SCGB2B2: variants seen among roughly 807,000 people sequenced by gnomAD.
SCGB2B2 encodes the protein secretoglobin-like protein.
In SCGB2B2, 11 loss-of-function variants were observed where a neutral mutation model predicts 7.6. That is an observed-to-expected ratio of 1.45 (90% CI 0.91 to 2.40). The LOEUF is 2.40. Among genes scored for constraint, SCGB2B2 ranks in the 30% most tolerant of loss-of-function variants. The probability of loss-of-function intolerance (pLI) is 0.00; values close to 1 mark genes in which losing one functional copy is unlikely to be tolerated. For missense variants in SCGB2B2, 104 were observed against 115.4 expected, an observed-to-expected ratio of 0.90 and a Z score of 0.45; for synonymous variants, 50 against 48.6, an observed-to-expected ratio of 1.03 and a Z score of -0.12.
At chr19:34,645,063 C>G (rs1237245502) in intron 1 of SCGB2B2, among the ~76,000 whole-genome samples, 1 of 152,208 alleles carries the variant, frequency 6.6e-6, no homozygotes, top group Middle Eastern at 3.2e-3. Context: ...ACTGCACGCC[C>G]AGGTGTCGCT....
At chr19:34,618,590 C>T (rs2066155636) in intron 1 of SCGB2B2, among the ~76,000 whole-genome samples, 2 of 152,158 alleles carry the variant, frequency 1.3e-5, no homozygotes, top group Admixed American at 1.3e-4. Flanking sequence ...TAGGTTAGGA[C>T]AATCCTTAAA....
At position 34,635,903 on chromosome 19, in the gene SCGB2B2, G is replaced by C. The variant is rs552333456; in HGVS notation, c.-2031-39309C>G. ...TCCACTGTGCTGCCTCTGGTGCTAG[G>C]GGGTGTCTGTACTGACCCAGAATTG... is the stretch of plus-strand genomic sequence containing the variant. On this transcript the variant is annotated intron_variant, in intron 1 of 3. Coordinates refer to ENST00000601241, the MANE Select transcript of SCGB2B2 (RefSeq NM_001025591.4). Among the ~76,000 whole-genome samples, 5 of 152,324 alleles carry C rather than the reference G, an allele frequency of 3.3e-5. No homozygotes were observed. The East Asian group carries it at 5.8e-4, about 18-fold the overall frequency.
At chr19:34,660,170 C>G (rs1455427535) in intron 1 of SCGB2B2, among the ~76,000 whole-genome samples, 1 of 152,158 alleles carries the variant, frequency 6.6e-6, no homozygotes, top group Non-Finnish European at 1.5e-5. Flanking sequence ...AGACCTAACA[C>G]CATAAAAACC....
chr19:34,586,006 G>C (rs999978422), downstream of SCGB2B2, among the ~76,000 whole-genome samples: 5 of 152,086 alleles, frequency 3.3e-5, no homozygotes, highest in African/African-American at 1.2e-4. Context: ...TATACCTAAA[G>C]TGTATAGTTT....
chr19:34,656,131 A>G (rs895909738), intron 1 of SCGB2B2, among the ~76,000 whole-genome samples: 1 of 151,386 alleles, frequency 6.6e-6, no homozygotes, highest in Non-Finnish European at 1.5e-5. Flanking sequence ...ATGAAATTAC[A>G]TATAAAGAAA....
chr19:34,666,741 C>T (rs891777530), intron 1 of SCGB2B2, among the ~76,000 whole-genome samples: 28 of 152,290 alleles, frequency 1.8e-4, no homozygotes, highest in African/African-American at 1.9e-4. Context: ...CACTGCATGG[C>T]GCCCACCTGA....
intron 1 of SCGB2B2, among the ~76,000 whole-genome samples, chr19:34,608,440 G>A (rs559361313): frequency 1.6e-3 from 245 of 149,916 alleles, no homozygotes; most frequent in African/African-American, 5.5e-3. Flanking sequence ...TCAACCTTTG[G>A]CTATAAACCC....
chr19:34,634,109 A>C (rs1056961110), intron 1 of SCGB2B2, among the ~76,000 whole-genome samples: 7 of 152,186 alleles, frequency 4.6e-5, no homozygotes, highest in African/African-American at 1.7e-4. Flanking sequence ...ACAGGAGACT[A>C]AATCTGGAAG....
rs112693437 is a variant in SCGB2B2 at position 34,653,885 on chromosome 19, C to A, written c.-2032+21745G>T. On this transcript the variant is annotated intron_variant, in intron 1 of 3. Transcript: ENST00000601241. ...ATAATCAATAAAGAGAAATTGAAAT[C>A]ATTTCCTCTAAGATCAGGAACAAGA... 2.7e-3 allele frequency among the ~76,000 whole-genome samples: 410 copies of A among 150,784 alleles called. 37 individuals carry two copies. The highest frequency in any genetic ancestry group is 9.8e-3 in the African/African-American group (394 of 40,326).
chr19:34,618,204 T>C (rs1217580617), intron 1 of SCGB2B2, among the ~76,000 whole-genome samples: 1 of 152,244 alleles, frequency 6.6e-6, no homozygotes, highest in Non-Finnish European at 1.5e-5. Flanking sequence ...TTTGGATTTA[T>C]ACCCAGTAAT....
At chr19:34,608,751 TAGTGCTGCAATAAATGAG>T (rs988807093) in intron 1 of SCGB2B2, 1 of 148,592 alleles carries the variant, frequency 6.7e-6, no homozygotes, top group African/African-American at 2.5e-5. Flanking sequence ...TGGCTGTGAA[TAGTGCTGCAATAAATGAG>T]AGTGCTGCAA....
downstream of SCGB2B2, among the ~76,000 whole-genome samples, chr19:34,588,380 A>G (rs1013426166): frequency 6.6e-6 from 1 of 152,116 alleles, no homozygotes; most frequent in African/African-American, 2.4e-5. Context: ...GCTGAGGCCC[A>G]CTTCCTTCCT....
intron 1 of SCGB2B2, among the ~76,000 whole-genome samples, chr19:34,614,328 T>C (rs400312): frequency 0.5 from 75,374 of 151,806 alleles, 19,531 homozygotes; most frequent in African/African-American, 0.63. Flanking sequence ...TTTTCTGTAA[T>C]TGGGTAATTT....
chr19:34,652,036 G>A (rs1188163301), intron 1 of SCGB2B2, among the ~76,000 whole-genome samples: 1 of 151,088 alleles, frequency 6.6e-6, no homozygotes, highest in Non-Finnish European at 1.5e-5. Flanking sequence ...TGAATGGACA[G>A]TCTCTTCAGT....
intron 1 of SCGB2B2, among the ~76,000 whole-genome samples, chr19:34,605,305 T>C (rs1182240361): frequency 6.6e-6 from 1 of 152,244 alleles, no homozygotes; most frequent in African/African-American, 2.4e-5. Context: ...CTCTGTCTTA[T>C]GTAGGTTTTG....
intron 1 of SCGB2B2, among the ~76,000 whole-genome samples, chr19:34,597,218 T>C (rs2065482513): frequency 6.6e-6 from 1 of 152,006 alleles, no homozygotes; most frequent in Non-Finnish European, 1.5e-5. Flanking sequence ...GTCACATGCA[T>C]CCATCCCACC....
intron 1 of SCGB2B2, among the ~76,000 whole-genome samples, chr19:34,611,808 C>T (rs1273190916): frequency 6.6e-6 from 1 of 151,552 alleles, no homozygotes; most frequent in Admixed American, 6.6e-5. Context: ...TGCTACCACA[C>T]CTGGCTAATT....
intron 1 of SCGB2B2, among the ~76,000 whole-genome samples, chr19:34,663,725 C>A (rs987911871): frequency 1.5e-4 from 22 of 150,546 alleles, no homozygotes; most frequent in Admixed American, 4.6e-4. Flanking sequence ...TCATATGTCA[C>A]AATAGAAAGA....
chr19:34,624,257 G>A (rs1354255167), intron 1 of SCGB2B2, among the ~76,000 whole-genome samples: 1 of 152,136 alleles, frequency 6.6e-6, no homozygotes, highest in African/African-American at 2.4e-5. Context: ...GCTTTTATGT[G>A]GAGGAATAAA....
Sources: gnomAD v4.1 joint callset for allele counts (sites outside exome capture counted in the v4.1 genomes callset) on GRCh38, gnomAD v4.1.1 for gene constraint, MANE v1.5 for transcripts, NCBI Gene and HGNC (gene_info 2026-07-23, HGNC 2026-07-21) for gene names.